Variants in ZNF227 observed in about 807,000 individuals in gnomAD.
ZNF227 encodes the protein zinc finger protein 227.
ZNF227 carries 12 observed loss-of-function variants against 13.2 expected under a neutral mutation model. The observed-to-expected ratio is 0.91, with a 90% CI of 0.58 to 1.47. ZNF227 has a LOEUF of 1.47. Among genes scored for constraint, ZNF227 ranks in the 40% most tolerant of loss-of-function variants. The probability of loss-of-function intolerance (pLI) is 0.00; values close to 1 mark genes in which losing one functional copy is unlikely to be tolerated. For synonymous variants in ZNF227, 338 were observed against 326.0 expected (o/e 1.04, Z -0.40); for missense variants, 885 against 967.5 (o/e 0.91, Z 1.13).
At position 44,229,809 on chromosome 19, in the gene ZNF227, C is replaced by G; in HGVS notation, c.264C>G (p.Thr88=). 1 of 1,563,158 alleles carries G rather than the reference C, an allele frequency of 6.4e-7. No homozygotes were observed. Among genetic ancestry groups the G allele is most frequent in the Non-Finnish European group, 8.7e-7 (1 of 1,147,296 alleles). ...AGCTTTGGATGATGGAAACAGAAAC[C>G]CAAAGAAGTAGGTATTCTGGTGAGA... ...EEKLWMMETE[T]QRSSKHQNKM... The change falls in exon 5 of 6, where the codon ACC becomes ACG. Residue 88 remains threonine, a synonymous_variant. Transcript: ENST00000313040.
intron 5 of ZNF227, among the ~76,000 whole-genome samples, chr19:44,230,524 T>C (rs1037463457): frequency 7.2e-5 from 11 of 152,114 alleles, no homozygotes; most frequent in Non-Finnish European, 1.0e-4. Flanking sequence ...TTGTTAAGCA[T>C]ACCAAGTTCC....
chr19:44,211,227 A>G (rs975160471), upstream of ZNF227, among the ~76,000 whole-genome samples: 3 of 150,700 alleles, frequency 2.0e-5, no homozygotes, highest in African/African-American at 7.3e-5. Context: ...AACAACAACA[A>G]CAAAACAGAA....
At chr19:44,227,899 G>A (rs753140049) in intron 3 of ZNF227, among the ~76,000 whole-genome samples, 56 of 152,078 alleles carry the variant, frequency 3.7e-4, no homozygotes, top group Non-Finnish European at 7.4e-4. Context: ...CCTGTCCAGG[G>A]GGTTGCTGAA....
At chr19:44,215,504 T>G (rs1971786598) in intron 2 of ZNF227, among the ~76,000 whole-genome samples, 1 of 151,686 alleles carries the variant, frequency 6.6e-6, no homozygotes, top group African/African-American at 2.4e-5. Context: ...ACTATCTGTG[T>G]GTATATTTTG....
intron 3 of ZNF227, among the ~76,000 whole-genome samples, chr19:44,219,773 T>G (rs1972260483): frequency 6.6e-6 from 1 of 150,884 alleles, no homozygotes. Context: ...ATTTATTTAT[T>G]TATTTATTTA....
chr19:44,224,020 A>G (rs10409068), intron 3 of ZNF227, among the ~76,000 whole-genome samples: 92,368 of 151,948 alleles, frequency 0.61, 28,294 homozygotes, highest in Admixed American at 0.69. Flanking sequence ...ATTTTGTTAT[A>G]TACCCAGTAG....
intron 3 of ZNF227, chr19:44,228,165 A>G: frequency 4.0e-6 from 1 of 248,562 alleles, no homozygotes. Context: ...CGGGAGGCGG[A>G]GGTTGCAGTG....
chr19:44,230,926 A>AAAAAAATATAT (rs1555792168), intron 5 of ZNF227, among the ~76,000 whole-genome samples: 2 of 68,132 alleles, frequency 2.9e-5, no homozygotes, highest in Admixed American at 4.3e-4. Flanking sequence ...AAAAAAAAAA[A>AAAAAAATATAT]ATATATATAT....
At chr19:44,234,553 AAAG>A (rs2122961733) in intron 5 of ZNF227, 146 bp from the exon 6 acceptor site, 2 of 715,764 alleles carry the variant, frequency 2.8e-6, no homozygotes, top group East Asian at 2.8e-5. Context: ...AAACATGTCA[AAAG>A]AATACACGAT....
chr19:44,230,426 G>C lies in ZNF227; in HGVS notation c.271+610G>C, dbSNP rs1158870744. On this transcript the variant is annotated intron_variant, in intron 5 of 5. Coordinates refer to ENST00000313040, the MANE Select transcript of ZNF227 (RefSeq NM_182490.3). ...TGTACTGAACTGCAAGACCCTACCT[G>C]GTCTCATCTCACCAAGTTTCTCTTT... Among the ~76,000 whole-genome samples the C allele has an allele frequency of 2.6e-5, 4 of 152,076 alleles. No individual in the cohort carries two copies. In the East Asian group the frequency reaches 7.7e-4, roughly 29 times the overall value.
Position 44,236,917 on chromosome 19 carries a change from T to A in ZNF227, c.*87T>A. 1 of 1,063,186 alleles carries A rather than the reference T, an allele frequency of 9.4e-7. No homozygotes were observed. The highest frequency in any genetic ancestry group is 1.3e-6 in the Non-Finnish European group (1 of 745,814). 65.9% of individuals were successfully genotyped at this position (1,063,186 alleles called of 1,614,324 possible). A position where few individuals can be genotyped will look rare whatever the true frequency, so the allele number is the denominator to read the frequency against. ...ATGCTGGTGGTAAACCCTGTAAAAC[T>A]ACTGAGAGTGGAAGGGGGTTTGTTC... On this transcript the variant is annotated 3_prime_UTR_variant, in exon 6 of 6. Transcript: ENST00000313040.
At chr19:44,212,383 T>TG (rs1301829816), upstream of ZNF227, 5 of 142,926 alleles carry the variant, frequency 3.5e-5, no homozygotes, top group African/African-American at 5.8e-5. Context: ...TTTTTGTTTT[T>TG]TTTTTTTTCA....
chr19:44,224,903 T>C (rs1599808122), intron 3 of ZNF227, among the ~76,000 whole-genome samples: 2 of 152,242 alleles, frequency 1.3e-5, no homozygotes. Context: ...CAGTGGCTGG[T>C]ACTGGTTGTT....
At chr19:44,233,291 C>G (rs1394952841) in intron 5 of ZNF227, among the ~76,000 whole-genome samples, 1 of 151,976 alleles carries the variant, frequency 6.6e-6, no homozygotes, top group Non-Finnish European at 1.5e-5. Context: ...TGTATATTTA[C>G]CAACTAAAAC....
intron 3 of ZNF227, among the ~76,000 whole-genome samples, chr19:44,221,602 TG>T (rs1252273461): frequency 1.3e-5 from 2 of 152,192 alleles, no homozygotes; most frequent in Admixed American, 1.3e-4. Context: ...CACTTTTTGA[TG>T]GGGTTGTTTG....
At chr19:44,217,615 G>A in intron 2 of ZNF227, 176 bp from the exon 3 acceptor site, 1 of 781,134 alleles carries the variant, frequency 1.3e-6, no homozygotes, top group Non-Finnish European at 2.3e-6. Flanking sequence ...ACTGTTCACT[G>A]CCCAATGGCA....
intron 3 of ZNF227, among the ~76,000 whole-genome samples, chr19:44,221,810 T>C (rs1479397960): frequency 2.6e-5 from 4 of 152,220 alleles, no homozygotes; most frequent in Non-Finnish European, 4.4e-5. Flanking sequence ...CCATTGCTTT[T>C]AGTGTTTTAG....
intron 2 of ZNF227, among the ~76,000 whole-genome samples, chr19:44,215,990 A>T (rs1039538342): frequency 1.0e-4 from 9 of 87,298 alleles, no homozygotes; most frequent in Admixed American, 9.4e-4. Flanking sequence ...CTCTCTCTCT[A>T]AAAAAAAAAA....
Position 44,236,302 on chromosome 19 carries a change from A to G in ZNF227, c.1872A>G (p.Arg624=), listed in dbSNP as rs959880090. 1.9e-6 allele frequency: 3 copies of G among 1,613,624 alleles called. No homozygotes were observed. The highest frequency in any genetic ancestry group is 2.7e-5 in the African/African-American group (2 of 74,806). ...SQAIDFRVHQ[R]VHTGEKPYKC... ...CCATAGATTTTCGGGTACATCAGAG[A>G]GTCCATACTGGAGAGAAGCCATACA... The change falls in exon 6 of 6, where the codon AGA becomes AGG. Residue 624 remains arginine (R), a synonymous_variant. Transcript: ENST00000313040.
Sources: allele counts gnomAD v4.1 joint callset (sites outside exome capture counted in the v4.1 genomes callset), GRCh38; gene constraint gnomAD v4.1.1; transcripts MANE v1.5; gene names NCBI Gene and HGNC (gene_info 2026-07-23, HGNC 2026-07-21).